The following GMFG variants were observed in gnomAD, a reference collection of about 807,000 sequenced individuals.
GMFG encodes glia maturation factor gamma.
GMFG carries 21 observed loss-of-function variants against 26.1 expected under a neutral mutation model. The observed-to-expected ratio is 0.80, with a 90% CI of 0.57 to 1.16. GMFG has a LOEUF of 1.16. GMFG is among the 50% of genes most tolerant of loss of function. The pLI, the probability that GMFG is intolerant of heterozygous loss-of-function variation, is 0.00. For synonymous variants in GMFG, 65 were observed against 60.8 expected, an observed-to-expected ratio of 1.07 and a Z score of -0.32; for missense variants, 161 against 178.3, an observed-to-expected ratio of 0.90 and a Z score of 0.55.
At chr19:39,333,874 C>A (rs1479022552) in intron 3 of GMFG, among the ~76,000 whole-genome samples, 1 of 152,076 alleles carries the variant, frequency 6.6e-6, no homozygotes, top group Non-Finnish European at 1.5e-5. Flanking sequence ...AGCCCCAGCC[C>A]CCAGTCTCCA....
At chr19:39,333,039 C>A (rs967784605) in intron 4 of GMFG, 38 bp downstream of exon 4, 6 of 1,482,038 alleles carry the variant, frequency 4.0e-6, no homozygotes, top group Non-Finnish European at 5.6e-6. Context: ...CACCCCTCCC[C>A]TCATGGCCTG....
intron 3 of GMFG, 75 bp from the exon 4 acceptor site, chr19:39,333,201 T>C: frequency 1.2e-6 from 1 of 818,218 alleles, no homozygotes; most frequent in Admixed American, 2.4e-5. Context: ...TCCCAGCACT[T>C]TGGGAGGCCG....
At chr19:39,333,003 A>C (rs1174067973) in intron 4 of GMFG, 74 bp downstream of exon 4, 1 of 975,032 alleles carries the variant, frequency 1.0e-6, no homozygotes, top group Admixed American at 1.8e-5. Flanking sequence ...GAACTCCAGC[A>C]GTCCCTTAGC....
chr19:39,330,591 G>T (rs2075222390), intron 4 of GMFG, among the ~76,000 whole-genome samples: 1 of 147,492 alleles, frequency 6.8e-6, no homozygotes, highest in African/African-American at 2.6e-5. Context: ...ACCATGCCCA[G>T]CTAATTTTTT....
At chr19:39,335,909 G>T in intron 1 of GMFG, 65 bp downstream of exon 1, 1 of 1,133,202 alleles carries the variant, frequency 8.8e-7, no homozygotes, top group Non-Finnish European at 1.3e-6. Context: ...CTTCGCCCAG[G>T]TGTCCTCCAA....
chr19:39,333,167 G>C, intron 3 of GMFG, 41 bp from the exon 4 acceptor site: 1 of 1,347,176 alleles, frequency 7.4e-7, no homozygotes, highest in Non-Finnish European at 1.0e-6. Flanking sequence ...GAATGAGGCA[G>C]GGCGCAGTGG....
intron 4 of GMFG, among the ~76,000 whole-genome samples, chr19:39,332,680 A>G (rs922246166): frequency 7.4e-4 from 81 of 109,728 alleles, no homozygotes; most frequent in Non-Finnish European, 1.2e-4. Context: ...TTTTTTTGAG[A>G]TAGAGTCTCG....
chr19:39,335,629 C>T (rs1380706088), intron 1 of GMFG, 98 bp from the exon 2 acceptor site: 9 of 862,778 alleles, frequency 1.0e-5, no homozygotes, highest in South Asian at 8.0e-5. Flanking sequence ...AGGAGCATCG[C>T]GCCGGCCCAT....
chr19:39,335,812 A>T (rs1426991008), intron 1 of GMFG, among the ~76,000 whole-genome samples, 162 bp downstream of exon 1: 1 of 152,078 alleles, frequency 6.6e-6, no homozygotes, highest in Non-Finnish European at 1.5e-5. Flanking sequence ...CTAAACCCAG[A>T]GCCACTGTCT....
chr19:39,335,607 C>A, intron 1 of GMFG, 76 bp from the exon 2 acceptor site: 1 of 989,836 alleles, frequency 1.0e-6, no homozygotes, highest in Admixed American at 1.7e-5. Context: ...GTTTCTCCAT[C>A]CACTAATGAA....
intron 5 of GMFG, 32 bp from the exon 6 acceptor site, chr19:39,329,105 T>C (rs1295002485): frequency 2.7e-6 from 4 of 1,503,600 alleles, no homozygotes; most frequent in Non-Finnish European, 3.7e-6. Context: ...GGCACATCAG[T>C]GGGGACCCAG....
Position 39,335,251 on chromosome 19 carries a change from A to C in GMFG, c.150+10T>G. ...TGTACCTCCCAGTCCCAATCACCCCAGCCCATCACCTGAAATTCTTCCTCC... is the reference window on the plus strand; with the variant it reads ...TGTACCTCCCAGTCCCAATCACCCCCGCCCATCACCTGAAATTCTTCCTCC... On this transcript the variant is annotated intron_variant, in intron 3 of 6. Transcript: ENST00000597595. The C allele has an allele frequency of 6.4e-7, 1 of 1,553,948 alleles. No individual in the cohort carries two copies. The highest frequency in any genetic ancestry group is 8.7e-7 in the Non-Finnish European group (1 of 1,148,606).
intron 4 of GMFG, among the ~76,000 whole-genome samples, 180 bp from the exon 5 acceptor site, chr19:39,329,806 G>A (rs1416096501): frequency 6.6e-6 from 1 of 152,138 alleles, no homozygotes; most frequent in East Asian, 1.9e-4. Context: ...AGGGCCGGGC[G>A]CAGGACTCAC....
At chr19:39,329,277 G>A (rs541650910) in intron 5 of GMFG, among the ~76,000 whole-genome samples, 1 of 152,264 alleles carries the variant, frequency 6.6e-6, no homozygotes, top group African/African-American at 2.4e-5. Flanking sequence ...GGGGCCAGAC[G>A]GGGATTTCTA....
intron 4 of GMFG, among the ~76,000 whole-genome samples, chr19:39,332,363 T>A (rs1748162822): frequency 6.6e-6 from 1 of 151,430 alleles, no homozygotes; most frequent in Non-Finnish European, 1.5e-5. Flanking sequence ...AGACAAGGTC[T>A]TGCTATGTTG....
intron 4 of GMFG, among the ~76,000 whole-genome samples, chr19:39,330,052 G>A (rs905661228): frequency 2.0e-5 from 3 of 152,078 alleles, no homozygotes; most frequent in African/African-American, 7.2e-5. Flanking sequence ...GCACTCCAGC[G>A]TGGGTGACAA....
chr19:39,328,431 C>T lies in GMFG; in HGVS notation c.*46G>A. ...GTCCTAGGGGTTCCAAGTCCCCAGT[C>T]ACCTTGAGGACTCAGACATCAGGAA... On this transcript the variant is annotated 3_prime_UTR_variant, in exon 7 of 7. Coordinates refer to ENST00000597595, the MANE Select transcript of GMFG (RefSeq NM_004877.4). 1 of 1,253,364 alleles carries T rather than the reference C, an allele frequency of 8.0e-7. No individual in the cohort carries two copies. The highest frequency in any genetic ancestry group is 1.2e-6 in the Non-Finnish European group (1 of 850,828). The allele number at this position is 1,253,364 out of a possible 1,614,324, so 77.6% of individuals were successfully genotyped here.
At chr19:39,329,455 C>T in intron 5 of GMFG, 89 bp downstream of exon 5, 1 of 773,188 alleles carries the variant, frequency 1.3e-6, no homozygotes, top group Non-Finnish European at 2.3e-6. Flanking sequence ...CACTCTTACA[C>T]AAGTGCCTGC....
chr19:39,334,814 G>A (rs138249515), intron 3 of GMFG, among the ~76,000 whole-genome samples: 1 of 152,140 alleles, frequency 6.6e-6, no homozygotes, highest in Non-Finnish European at 1.5e-5. Flanking sequence ...TCATGAGTGA[G>A]CTAGAACTTG....
Sources: allele counts gnomAD v4.1 joint callset (sites outside exome capture counted in the v4.1 genomes callset), GRCh38; gene constraint gnomAD v4.1.1; transcripts MANE v1.5; gene names NCBI Gene and HGNC (gene_info 2026-07-23, HGNC 2026-07-21).